Variants in IFT80 observed in about 807,000 individuals in gnomAD.
IFT80 encodes the protein intraflagellar transport protein 80 homolog.
In IFT80, 79 loss-of-function variants were observed where a neutral mutation model predicts 107.9. The observed-to-expected ratio is 0.73, with a 90% CI of 0.61 to 0.88. The LOEUF is 0.88. IFT80 is among the 40% of genes least tolerant of loss of function. The pLI, the probability that IFT80 is intolerant of heterozygous loss-of-function variation, is 0.00. For synonymous variants in IFT80, 299 were observed against 300.9 expected, an observed-to-expected ratio of 0.99 and a Z score of 0.07; for missense variants, 797 against 914.2, an observed-to-expected ratio of 0.87 and a Z score of 1.65.
At chr3:160,332,030 C>G (rs1276757518) in intron 8 of IFT80, among the ~76,000 whole-genome samples, 1 of 152,118 alleles carries the variant, frequency 6.6e-6, no homozygotes, top group African/African-American at 2.4e-5. Context: ...TGGATTTTGG[C>G]TTCTGCATTC....
chr3:160,355,200 T>G (rs1260734746), intron 8 of IFT80, among the ~76,000 whole-genome samples: 1 of 152,226 alleles, frequency 6.6e-6, no homozygotes, highest in Non-Finnish European at 1.5e-5. Context: ...GGAAAAATTC[T>G]TGCATGTATT....
In IFT80 at chr3:160,280,661, T is replaced by C. The variant is rs1714619212; in HGVS notation, c.1664+6A>G. The C allele has an allele frequency of 2.5e-6, 4 of 1,609,830 alleles. No individual in the cohort carries two copies. The highest frequency in any genetic ancestry group is 3.4e-6 in the Non-Finnish European group (4 of 1,176,572). On this transcript the variant is annotated splice_donor_region_variant and intron_variant, in intron 15 of 19. Coordinates refer to ENST00000326448, the MANE Select transcript of IFT80 (RefSeq NM_020800.3). The stretch of plus-strand genomic sequence containing the variant: ...CAAAACAGAATTATACGCAGTAAAA[T>C]GTTACCTTGCATCCCTTTCATATAA...
intron 9 of IFT80, among the ~76,000 whole-genome samples, chr3:160,308,082 T>G (rs1388029233): frequency 6.6e-6 from 1 of 152,050 alleles, no homozygotes. Flanking sequence ...ATTCCAACAC[T>G]GAGATATAGT....
intron 12 of IFT80, among the ~76,000 whole-genome samples, chr3:160,291,962 T>C (rs1440293281): frequency 6.6e-6 from 1 of 152,148 alleles, no homozygotes; most frequent in Middle Eastern, 3.2e-3. Flanking sequence ...AATCTAGAAA[T>C]GTTCCTCTCA....
At chr3:160,272,066 T>A (rs1713852734) in intron 18 of IFT80, among the ~76,000 whole-genome samples, 1 of 152,040 alleles carries the variant, frequency 6.6e-6, no homozygotes, top group Non-Finnish European at 1.5e-5. Context: ...AAAGATCCAA[T>A]AATGTCCACA....
chr3:160,273,248 T>G (rs1053880485), intron 18 of IFT80, among the ~76,000 whole-genome samples: 2 of 152,224 alleles, frequency 1.3e-5, no homozygotes, highest in Non-Finnish European at 2.9e-5. Flanking sequence ...ATCTTGATAT[T>G]TATGCTAAAA....
At chr3:160,344,629 G>A (rs1720154292) in intron 8 of IFT80, among the ~76,000 whole-genome samples, 1 of 152,118 alleles carries the variant, frequency 6.6e-6, no homozygotes, top group Non-Finnish European at 1.5e-5. Context: ...TACAGCAGAG[G>A]AGACAATCAA....
intron 10 of IFT80, 41 bp downstream of exon 10, chr3:160,307,622 C>CA (rs1019482965): frequency 2.8e-6 from 3 of 1,064,724 alleles, no homozygotes; most frequent in Non-Finnish European, 4.4e-6. Context: ...TCAGCACAGA[C>CA]AGACAAAACT....
chr3:160,390,642 T>A (rs1206441451), intron 1 of IFT80, among the ~76,000 whole-genome samples: 1 of 152,204 alleles, frequency 6.6e-6, no homozygotes, highest in Non-Finnish European at 1.5e-5. Flanking sequence ...TATCCATTCA[T>A]CCCTGCTTCT....
rs1712505409 is a variant in IFT80 at position 160,258,176 on chromosome 3, T to C, written c.*349A>G. On this transcript the variant is annotated 3_prime_UTR_variant, in exon 20 of 20. Coordinates refer to ENST00000326448, the MANE Select transcript of IFT80 (RefSeq NM_020800.3). Reference sequence around the variant, plus strand: ...GGTCAAATAGAAATTAATGGTAACATACATTTCAAAGAGTCCAATGTTTTA... The same window carrying C: ...GGTCAAATAGAAATTAATGGTAACACACATTTCAAAGAGTCCAATGTTTTA... 3 of 247,908 alleles carry C rather than the reference T, an allele frequency of 1.2e-5. No individual in the cohort carries two copies. The highest frequency in any genetic ancestry group is 2.3e-5 in the Non-Finnish European group (3 of 127,768). 15.4% of individuals were successfully genotyped at this position (247,908 alleles called of 1,614,324 possible).
chr3:160,306,431 A>G (rs1281587881), intron 10 of IFT80, among the ~76,000 whole-genome samples: 1 of 152,152 alleles, frequency 6.6e-6, no homozygotes, highest in Non-Finnish European at 1.5e-5. Flanking sequence ...CCCCTGCCCC[A>G]TGAAAATTAA....
At chr3:160,295,285 T>C (rs1400853012) in intron 12 of IFT80, among the ~76,000 whole-genome samples, 1 of 152,096 alleles carries the variant, frequency 6.6e-6, no homozygotes, top group Non-Finnish European at 1.5e-5. Context: ...ACAGCCACTG[T>C]GAAATATATT....
chr3:160,333,346 T>A (rs1719219790), intron 8 of IFT80, among the ~76,000 whole-genome samples: 1 of 152,192 alleles, frequency 6.6e-6, no homozygotes, highest in East Asian at 1.9e-4. Context: ...ATTAAAAAAA[T>A]TTTTCTTTCT....
chr3:160,381,239 A>ATATATATAT (rs1712471026), intron 3 of IFT80, among the ~76,000 whole-genome samples: 1 of 86,278 alleles, frequency 1.2e-5, no homozygotes. Flanking sequence ...CCCATCTCTA[A>ATATATATAT]ATATATATAT....
chr3:160,282,766 G>C (rs1714788205), intron 13 of IFT80, among the ~76,000 whole-genome samples, 153 bp from the exon 14 acceptor site: 1 of 152,002 alleles, frequency 6.6e-6, no homozygotes, highest in African/African-American at 2.4e-5. Context: ...ATTTTAAACT[G>C]CCAATATGTT....
At chr3:160,338,879 G>A (rs1299619070) in intron 8 of IFT80, among the ~76,000 whole-genome samples, 3 of 152,074 alleles carry the variant, frequency 2.0e-5, no homozygotes, top group Non-Finnish European at 2.9e-5. Context: ...TATTGGAGAA[G>A]AAATATAATT....
intron 12 of IFT80, among the ~76,000 whole-genome samples, chr3:160,288,836 G>C (rs1214427475): frequency 6.6e-6 from 1 of 151,256 alleles, no homozygotes; most frequent in African/African-American, 2.4e-5. Flanking sequence ...TGGAGAAAAG[G>C]GAATAGTTTT....
intron 2 of IFT80, among the ~76,000 whole-genome samples, chr3:160,382,029 T>A (rs1196447105): frequency 6.6e-6 from 1 of 152,138 alleles, no homozygotes; most frequent in African/African-American, 2.4e-5. Context: ...CCAAAAGGTA[T>A]ACAAAAGAGA....
chr3:160,332,309 G>A (rs1055916890), intron 8 of IFT80, among the ~76,000 whole-genome samples: 1 of 152,144 alleles, frequency 6.6e-6, no homozygotes, highest in Non-Finnish European at 1.5e-5. Flanking sequence ...GGTGTGGGGT[G>A]TCATCAAGAA....
Sources: allele counts gnomAD v4.1 joint callset (sites outside exome capture counted in the v4.1 genomes callset), GRCh38; gene constraint gnomAD v4.1.1; transcripts MANE v1.5; gene names NCBI Gene and HGNC (gene_info 2026-07-23, HGNC 2026-07-21).